The following ADAM19 variants were observed in gnomAD, a reference collection of about 807,000 sequenced individuals.
The protein encoded by ADAM19 is disintegrin and metalloproteinase domain-containing protein 19.
In ADAM19, 65 loss-of-function variants were observed where a neutral mutation model predicts 114.7. The ratio of observed to expected loss-of-function variants is 0.57; its 90% CI spans 0.46 to 0.70. ADAM19 has a LOEUF of 0.70. Among genes scored for constraint, ADAM19 ranks in the 30% least tolerant of loss-of-function variants. ADAM19 has a pLI of 0.00. For missense variants in ADAM19, 1,063 were observed against 1,204.7 expected (o/e 0.88, Z 1.74); for synonymous variants, 466 against 460.5 (o/e 1.01, Z -0.15).
chr5:157,519,922 T>G lies in ADAM19; in HGVS notation c.517A>C (p.Asn173His). The G allele has an allele frequency of 1.2e-6, 2 of 1,614,088 alleles. No homozygotes were observed. The highest frequency in any genetic ancestry group is 1.7e-6 in the Non-Finnish European group (2 of 1,180,020). ...GGCTTGGAGTGCTCGAACCCACAGT[T>G]TCCCGGGGGCGGCTTGAGATGTTCA... ...RSEHLKPPPG[N>H]CGFEHSKPTT... Residue 173 changes from asparagine to histidine, a missense_variant, in exon 6 of 23, where the codon AAC (asparagine) becomes CAC (histidine). Around this residue, in one of 3 missense-constraint regions of ADAM19, gnomAD observed 615 missense variants for 706.3 expected, o/e 0.87. Coordinates refer to ENST00000257527, the MANE Select transcript of ADAM19 (RefSeq NM_033274.5).
chr5:157,510,836 A>G (rs1755898620), intron 8 of ADAM19, among the ~76,000 whole-genome samples: 1 of 152,214 alleles, frequency 6.6e-6, no homozygotes, highest in Non-Finnish European at 1.5e-5. Context: ...TTGGAAGTAA[A>G]TGAGTATAAA....
intron 1 of ADAM19, 35 bp downstream of exon 1, chr5:157,575,568 A>C: frequency 7.0e-7 from 1 of 1,429,710 alleles, no homozygotes. Flanking sequence ...TCTCCGGGCC[A>C]CCCAGCCTCC....
At chr5:157,488,183 C>G in intron 21 of ADAM19, 82 bp downstream of exon 21, 1 of 1,413,056 alleles carries the variant, frequency 7.1e-7, no homozygotes, top group Non-Finnish European at 9.8e-7. Flanking sequence ...ACAAGTTTCA[C>G]CTTCCCCACC....
chr5:157,555,410 A>T (rs561161329), intron 3 of ADAM19, among the ~76,000 whole-genome samples: 1 of 152,330 alleles, frequency 6.6e-6, no homozygotes, highest in South Asian at 2.1e-4. Flanking sequence ...GCATCAGAGA[A>T]CATGACCCGG....
intron 4 of ADAM19, among the ~76,000 whole-genome samples, chr5:157,533,425 C>T (rs980698873): frequency 2.0e-5 from 3 of 152,182 alleles, no homozygotes; most frequent in African/African-American, 7.2e-5. Context: ...CAAATGCCAG[C>T]CTGTCATGTG....
chr5:157,505,692 C>T lies in ADAM19; in HGVS notation c.1107G>A (p.Gly369=), dbSNP rs762167854. The change falls in exon 11 of 23, where the codon GGG becomes GGA. Residue 369 remains glycine (G), a synonymous_variant. Coordinates refer to ENST00000257527, the MANE Select transcript of ADAM19 (RefSeq NM_033274.5). ...DCCSASAADG[G]CIMAAATGHP... ...ACCCAGTGGCAGCTGCCATGATGCA[C>T]CCACCATCAGCCGCACTGGCCGAGC... 7 of 1,614,096 alleles carry T rather than the reference C, an allele frequency of 4.3e-6. No individual in the cohort carries two copies. The highest frequency in any genetic ancestry group is 3.3e-5 in the South Asian group (3 of 91,070).
At chr5:157,539,122 C>T (rs1756845657) in intron 3 of ADAM19, among the ~76,000 whole-genome samples, 1 of 147,864 alleles carries the variant, frequency 6.8e-6, no homozygotes, top group Non-Finnish European at 1.5e-5. Flanking sequence ...CATTGCACTC[C>T]AGCCTAGGTG....
At chr5:157,482,586 G>A (rs1754790015) in intron 21 of ADAM19, among the ~76,000 whole-genome samples, 1 of 152,152 alleles carries the variant, frequency 6.6e-6, no homozygotes, top group Non-Finnish European at 1.5e-5. Context: ...TGTATAAGGT[G>A]TAAGGAAGGG....
intron 14 of ADAM19, among the ~76,000 whole-genome samples, chr5:157,495,761 G>C (rs1755341384): frequency 6.6e-6 from 1 of 151,926 alleles, no homozygotes; most frequent in Non-Finnish European, 1.5e-5. Flanking sequence ...AGCCTCTCGA[G>C]TAGCTGGAAT....
In ADAM19 at chr5:157,566,918, C is replaced by T. The variant is rs116888665; in HGVS notation, c.181-2475G>A. ...AACTCCTGGGCTCATGTGATCCTCCCAACTCAGCCTCCCAAAGTGTTGGTA... is the reference window on the plus strand; with the variant it reads ...AACTCCTGGGCTCATGTGATCCTCCTAACTCAGCCTCCCAAAGTGTTGGTA... On this transcript the variant is annotated intron_variant, in intron 2 of 22. Coordinates refer to ENST00000257527, the MANE Select transcript of ADAM19 (RefSeq NM_033274.5). Among the ~76,000 whole-genome samples the T allele has an allele frequency of 2.0e-5, 3 of 152,266 alleles. No homozygotes were observed. The East Asian group carries it at 5.8e-4, about 29-fold the overall frequency.
At chr5:157,549,320 G>C (rs1406651786) in intron 3 of ADAM19, among the ~76,000 whole-genome samples, 1 of 152,150 alleles carries the variant, frequency 6.6e-6, no homozygotes, top group African/African-American at 2.4e-5. Context: ...CCCACCAGTG[G>C]AAGAAAAAGC....
intron 14 of ADAM19, among the ~76,000 whole-genome samples, 198 bp from the exon 15 acceptor site, chr5:157,494,993 C>CA (rs1056154084): frequency 3.4e-5 from 5 of 149,092 alleles, no homozygotes; most frequent in African/African-American, 9.9e-5. Context: ...TATATAAATC[C>CA]TTTTTTTTTT....
intron 20 of ADAM19, 37 bp downstream of exon 20, chr5:157,489,064 AG>A (rs774660780): frequency 1.3e-6 from 2 of 1,553,974 alleles, no homozygotes; most frequent in African/African-American, 2.7e-5. Flanking sequence ...TGAGGGATAA[AG>A]GAAAAGTAGC....
chr5:157,509,814 T>G (rs1755860253), intron 8 of ADAM19, among the ~76,000 whole-genome samples: 1 of 152,210 alleles, frequency 6.6e-6, no homozygotes, highest in African/African-American at 2.4e-5. Context: ...CAGATATGAA[T>G]AGGTCTATCA....
At chr5:157,498,403 G>A (rs1755433970) in intron 13 of ADAM19, among the ~76,000 whole-genome samples, 1 of 152,172 alleles carries the variant, frequency 6.6e-6, no homozygotes, top group South Asian at 2.1e-4. Context: ...ACCGGCAGCG[G>A]GGCCTTGGGC....
At chr5:157,546,492 T>A (rs1372680348) in intron 3 of ADAM19, among the ~76,000 whole-genome samples, 2 of 152,126 alleles carry the variant, frequency 1.3e-5, no homozygotes, top group Non-Finnish European at 2.9e-5. Flanking sequence ...AAATCTAGCA[T>A]CAGTGAGTCA....
intron 8 of ADAM19, among the ~76,000 whole-genome samples, chr5:157,510,378 G>A (rs2113727638): frequency 6.6e-6 from 1 of 152,322 alleles, no homozygotes; most frequent in East Asian, 1.9e-4. Flanking sequence ...GGAGGCTGAG[G>A]CAGGAGAATC....
At chr5:157,503,017 G>C (rs1374749760) in intron 11 of ADAM19, 37 bp from the exon 12 acceptor site, 2 of 1,594,462 alleles carry the variant, frequency 1.3e-6, no homozygotes, top group South Asian at 1.1e-5. Context: ...TGGGGAGTTT[G>C]AGCATCTAGC....
intron 22 of ADAM19, 93 bp from the exon 23 acceptor site, chr5:157,481,095 G>T: frequency 6.5e-7 from 1 of 1,526,834 alleles, no homozygotes; most frequent in South Asian, 1.2e-5. Flanking sequence ...TTAGAAGGAA[G>T]GATGGACCAC....
Sources: gnomAD v4.1 joint callset for allele counts (sites outside exome capture counted in the v4.1 genomes callset) on GRCh38, gnomAD v4.1.1 for gene constraint, gnomAD v4.1.1 regional missense constraint, MANE v1.5 for transcripts, NCBI Gene and HGNC (gene_info 2026-07-23, HGNC 2026-07-21) for gene names.